TTLL6: variants seen among roughly 807,000 people sequenced by gnomAD.
TTLL6 encodes tubulin tyrosine ligase like 6.
A neutral mutation model predicts 96.4 loss-of-function variants in TTLL6; 75 were observed. That is an observed-to-expected ratio of 0.78 (90% CI 0.65 to 0.94). The LOEUF (loss-of-function observed/expected upper bound fraction) is 0.94. Ranked by LOEUF, TTLL6 falls within the 40% of genes least tolerant of loss-of-function variation. The pLI is 0.00. For synonymous variants in TTLL6, 411 were observed against 419.4 expected, an observed-to-expected ratio of 0.98 and a Z score of 0.24; for missense variants, 1,030 against 1,093.0, an observed-to-expected ratio of 0.94 and a Z score of 0.81.
At chr17:48,770,828 GAATCA>G (rs2038728402) in intron 13 of TTLL6, among the ~76,000 whole-genome samples, 1 of 151,764 alleles carries the variant, frequency 6.6e-6, no homozygotes, top group Non-Finnish European at 1.5e-5. Flanking sequence ...GGAGGCAGGA[GAATCA>G]CTTGAACTTG....
chr17:48,816,857 TG>T, intron 1 of TTLL6, 112 bp downstream of exon 1: 1 of 752,556 alleles, frequency 1.3e-6, no homozygotes, highest in Non-Finnish European at 2.0e-6. Flanking sequence ...CGGGCTACCC[TG>T]GGGACCTGGG....
intron 13 of TTLL6, among the ~76,000 whole-genome samples, chr17:48,780,178 T>C (rs1389741606): frequency 6.6e-6 from 1 of 152,114 alleles, no homozygotes; most frequent in Non-Finnish European, 1.5e-5. Flanking sequence ...GGAGTTTTGC[T>C]CTGGTCGCCC....
At chr17:48,772,202 C>T (rs975101822) in intron 13 of TTLL6, among the ~76,000 whole-genome samples, 2 of 151,888 alleles carry the variant, frequency 1.3e-5, no homozygotes, top group Non-Finnish European at 2.9e-5. Flanking sequence ...ACACTAAGAC[C>T]AGCTGGCCGC....
intron 15 of TTLL6, among the ~76,000 whole-genome samples, chr17:48,768,164 C>T (rs1160269650): frequency 6.6e-6 from 1 of 152,064 alleles, no homozygotes; most frequent in East Asian, 1.9e-4. Context: ...GGTGCAATCC[C>T]GACTCACTGC....
chr17:48,809,556 A>G (rs2039550609), intron 1 of TTLL6, among the ~76,000 whole-genome samples: 1 of 152,100 alleles, frequency 6.6e-6, no homozygotes, highest in African/African-American at 2.4e-5. Context: ...GGCTCCTTCT[A>G]TGTGTCTGCC....
chr17:48,805,284 A>G (rs751912449), intron 1 of TTLL6, among the ~76,000 whole-genome samples: 20 of 152,208 alleles, frequency 1.3e-4, no homozygotes, highest in Non-Finnish European at 2.6e-4. Flanking sequence ...CTGGTAAACA[A>G]TCTTATTAAA....
chr17:48,812,070 C>CAA (rs1357289318), intron 1 of TTLL6: 2 of 94,834 alleles, frequency 2.1e-5, no homozygotes, highest in Non-Finnish European at 4.4e-5. Flanking sequence ...TGGGACCCCC[C>CAA]CCCCCACCCC....
chr17:48,814,762 GA>G (rs2143510413), intron 1 of TTLL6, among the ~76,000 whole-genome samples: 1 of 152,304 alleles, frequency 6.6e-6, no homozygotes, highest in East Asian at 1.9e-4. Context: ...GCAGAGGGTG[GA>G]AAATGTTTAG....
intron 8 of TTLL6, among the ~76,000 whole-genome samples, chr17:48,793,200 G>T (rs944110654): frequency 2.0e-5 from 3 of 152,164 alleles, no homozygotes; most frequent in Non-Finnish European, 2.9e-5. Context: ...GAGACAGTCA[G>T]TATGAGAAGA....
chr17:48,796,626 A>AT lies in TTLL6; in HGVS notation c.912+434_912+435insA, dbSNP rs545508729. ...AAAGCGAGACTCCATCTCAAAAAAA[A>AT]AAAAAAGAAACTCCAGTTCTTTCTG... On this transcript the variant is annotated intron_variant, in intron 7 of 15. Coordinates refer to ENST00000393382, the MANE Select transcript of TTLL6 (RefSeq NM_001130918.3). Among the ~76,000 whole-genome samples the AT allele has an allele frequency of 7.2e-5, 11 of 152,066 alleles. No homozygotes were observed. In the East Asian group the frequency reaches 2.1e-3, roughly 30 times the overall value.
At chr17:48,774,471 T>C (rs1300485061) in intron 13 of TTLL6, among the ~76,000 whole-genome samples, 1 of 151,778 alleles carries the variant, frequency 6.6e-6, no homozygotes, top group Non-Finnish European at 1.5e-5. Context: ...GCCCAAAATC[T>C]AGTTTTTTTT....
intron 1 of TTLL6, among the ~76,000 whole-genome samples, chr17:48,816,566 G>A (rs1230305868): frequency 6.6e-6 from 1 of 152,138 alleles, no homozygotes; most frequent in Non-Finnish European, 1.5e-5. Context: ...TGCCGGCCAT[G>A]AAAAATGGGA....
chr17:48,770,016 T>C lies in TTLL6; in HGVS notation c.2122A>G (p.Thr708Ala). ...SPKSPPTLAVTASSEYSGPET... is the reference protein window; with the variant it reads ...SPKSPPTLAVAASSEYSGPET... The stretch of plus-strand genomic sequence containing the variant: ...GGGCCACTGTACTCAGAGCTGGCGG[T>C]CACAGCCAGGGTTGGCGGAGACTTT... The change falls in exon 14 of 16, where the codon ACC (threonine) becomes GCC (alanine). Residue 708 changes from threonine to alanine, a missense_variant. Transcript: ENST00000393382. 1.2e-6 allele frequency: 2 copies of C among 1,614,060 alleles called. No homozygotes were observed. The highest frequency in any genetic ancestry group is 1.1e-5 in the South Asian group (1 of 91,074).
chr17:48,804,114 T>C (rs1159354298), intron 2 of TTLL6, 186 bp from the exon 3 acceptor site: 8 of 637,184 alleles, frequency 1.3e-5, no homozygotes, highest in East Asian at 2.7e-5. Context: ...GTGGAAAACA[T>C]GGCATCAGGG....
At chr17:48,780,620 A>G (rs2038967549) in intron 13 of TTLL6, among the ~76,000 whole-genome samples, 1 of 152,218 alleles carries the variant, frequency 6.6e-6, no homozygotes, top group Non-Finnish European at 1.5e-5. Flanking sequence ...GCACCTTGTG[A>G]AACTTATGTA....
intron 13 of TTLL6, among the ~76,000 whole-genome samples, chr17:48,777,009 T>TAG (rs2038885386): frequency 1.3e-5 from 1 of 78,286 alleles, no homozygotes; most frequent in East Asian, 3.1e-4. Context: ...GGCATAAGGA[T>TAG]AGACACACAC....
intron 5 of TTLL6, 44 bp from the exon 6 acceptor site, chr17:48,799,804 G>A: frequency 1.3e-6 from 2 of 1,516,282 alleles, no homozygotes; most frequent in Non-Finnish European, 1.8e-6. Context: ...TAGCTGGGGA[G>A]CAATGAAAAG....
At chr17:48,771,037 A>T (rs529853002) in intron 13 of TTLL6, among the ~76,000 whole-genome samples, 1 of 152,226 alleles carries the variant, frequency 6.6e-6, no homozygotes. Context: ...GTCCGAGGAC[A>T]CCCACAATCC....
At chr17:48,793,465 C>T (rs139006502) in intron 8 of TTLL6, among the ~76,000 whole-genome samples, 52 of 152,086 alleles carry the variant, frequency 3.4e-4, no homozygotes, top group Middle Eastern at 3.4e-3. Context: ...TGGTGGTGGG[C>T]GCCTGTAATC....
Sources: gnomAD v4.1 joint callset for allele counts (sites outside exome capture counted in the v4.1 genomes callset) on GRCh38, gnomAD v4.1.1 for gene constraint, MANE v1.5 for transcripts, NCBI Gene and HGNC (gene_info 2026-07-23, HGNC 2026-07-21) for gene names.